KCNK12: variants seen among roughly 807,000 people sequenced by gnomAD.
KCNK12 encodes the protein potassium two pore domain channel subfamily K member 12.
KCNK12 carries 6 observed loss-of-function variants against 25.3 expected under a neutral mutation model. The observed-to-expected ratio is 0.24, with a 90% confidence interval of 0.13 to 0.47. The LOEUF is 0.47. KCNK12 is among the 20% of genes least tolerant of loss of function. The pLI is 0.99. For synonymous variants in KCNK12, 331 were observed against 311.1 expected, an observed-to-expected ratio of 1.06 and a Z score of -0.67; for missense variants, 444 against 661.7, an observed-to-expected ratio of 0.67 and a Z score of 3.61.
rs115569530 is a variant in KCNK12, at chr2:47,557,677, G to A, written c.391+12264C>T. ...CAAGGAGCTTTGTAAGGCAATTTCCGTATGTTAGGCATACAATCCAATCTC... is the reference window on the plus strand; with the variant it reads ...CAAGGAGCTTTGTAAGGCAATTTCCATATGTTAGGCATACAATCCAATCTC... On this transcript the variant is annotated intron_variant, in intron 1 of 1. Coordinates refer to ENST00000327876, the MANE Select transcript of KCNK12 (RefSeq NM_022055.2). This position sits in a 1 kb window ranked among gnomAD's most constrained non-coding sequence, Gnocchi z 4.9. Among the ~76,000 whole-genome samples the A allele has an allele frequency of 4.3e-3, 656 of 152,272 alleles. 9 individuals are homozygous for A. The highest frequency in any genetic ancestry group is 0.014 in the African/African-American group (584 of 41,552).
rs138297981 is a variant in KCNK12, at chr2:47,551,976, C to T, written c.391+17965G>A. ...CCTCCTCCTGAAGGGCCTGCATCAC[C>T]TCCTTCCTTCTTGTTTGGCCCTGGG... is the stretch of plus-strand genomic sequence containing the variant. On this transcript the variant is annotated intron_variant, in intron 1 of 1. Coordinates refer to ENST00000327876, the MANE Select transcript of KCNK12 (RefSeq NM_022055.2). The surrounding 1 kb of genome is among the most constrained non-coding windows in gnomAD (Gnocchi z 5.3). Among the ~76,000 whole-genome samples the T allele has an allele frequency of 0.01, 1,524 of 152,292 alleles. 13 individuals carry two copies. Among genetic ancestry groups the T allele is most frequent in the Middle Eastern group, 0.017 (5 of 294 alleles).
At chr2:47,564,775 T>C (rs1669758026) in intron 1 of KCNK12, 1 of 165,376 alleles carries the variant, frequency 6.0e-6, no homozygotes, top group South Asian at 2.0e-4. Flanking sequence ...TGGTAATACA[T>C]TTCCTGCTCT....
Position 47,565,285 on chromosome 2 carries a change from G to T in KCNK12, c.391+4656C>A, listed in dbSNP as rs1206553270. 6.6e-6 allele frequency: 1 copy of T among 152,208 alleles called. No homozygotes were observed. The highest frequency in any genetic ancestry group is 1.5e-5 in the Non-Finnish European group (1 of 68,042). The allele number at this position is 152,208 out of a possible 1,614,324, so 9.4% of individuals were successfully genotyped here. The stretch of plus-strand genomic sequence containing the variant: ...CAGCTGGATTACATACATGTTAGAA[G>T]AAAGTTGAATGTAAATGTGGTAGTG... On this transcript the variant is annotated intron_variant, in intron 1 of 1. Coordinates refer to ENST00000327876, the MANE Select transcript of KCNK12 (RefSeq NM_022055.2). The surrounding 1 kb of genome is among the most constrained non-coding windows in gnomAD (Gnocchi z 5.0).
chr2:47,556,791 A>G lies in KCNK12; in HGVS notation c.391+13150T>C, dbSNP rs776403176. Among the ~76,000 whole-genome samples, 1 of 152,212 alleles carries G rather than the reference A, an allele frequency of 6.6e-6. No individual in the cohort carries two copies. The highest frequency in any genetic ancestry group is 2.4e-5 in the African/African-American group (1 of 41,466). Reference sequence around the variant, plus strand: ...AAAGGACCTGTAGGTCTTACAGCCAAAGGATTATGATCTCACCCAAACAGG... The same window carrying G: ...AAAGGACCTGTAGGTCTTACAGCCAGAGGATTATGATCTCACCCAAACAGG... On this transcript the variant is annotated intron_variant, in intron 1 of 1. Coordinates refer to ENST00000327876, the MANE Select transcript of KCNK12 (RefSeq NM_022055.2). This position sits in a 1 kb window ranked among gnomAD's most constrained non-coding sequence, Gnocchi z 4.8.
Position 47,512,168 on chromosome 2 carries a change from A to G in KCNK12, c.*8739T>C. ...CCAGATGGCTGGTCCTGCTCCTCCC[A>G]GTCCATGGAGAAAAAAGAATTGAAC... On this transcript the variant is annotated 3_prime_UTR_variant, in exon 2 of 2. Transcript: ENST00000327876. The G allele has an allele frequency of 9.3e-7, 1 of 1,073,228 alleles. No homozygotes were observed. The highest frequency in any genetic ancestry group is 1.3e-6 in the Non-Finnish European group (1 of 761,862). 66.5% of individuals were successfully genotyped at this position (1,073,228 alleles called of 1,614,324 possible). A position where few individuals can be genotyped will look rare whatever the true frequency, so the allele number is the denominator to read the frequency against.
In KCNK12 at chr2:47,535,162, G is replaced by T. The variant is rs1669038276; in HGVS notation, c.392-13354C>A. 4 of 232,118 alleles carry T rather than the reference G, an allele frequency of 1.7e-5. No homozygotes were observed. The Admixed American group carries it at 2.3e-4, about 13-fold the overall frequency. The allele number at this position is 232,118 out of a possible 1,614,324, so 14.4% of individuals were successfully genotyped here. On this transcript the variant is annotated intron_variant, in intron 1 of 1. Transcript: ENST00000327876. ...TCTTCCCACAGAAGCCAGCCTGGTT[G>T]GCTGCTTCAAAGGAGGAATAAAGAT...
At chr2:47,553,472 T>C (rs1669483261) in intron 1 of KCNK12, among the ~76,000 whole-genome samples, 1 of 152,164 alleles carries the variant, frequency 6.6e-6, no homozygotes, top group Non-Finnish European at 1.5e-5. Flanking sequence ...GGTAAGCTCT[T>C]GATAAAGTGA....
intron 1 of KCNK12, among the ~76,000 whole-genome samples, chr2:47,545,637 T>G (rs1452529919): frequency 2.0e-5 from 3 of 152,240 alleles, no homozygotes; most frequent in Non-Finnish European, 4.4e-5. Flanking sequence ...GGCTCTTTGA[T>G]CTGAGAAAGC....
Position 47,518,625 on chromosome 2 carries a change from C to CG in KCNK12, c.*2281dup, listed in dbSNP as rs1203420416. 1 of 152,336 alleles carries CG rather than the reference C, an allele frequency of 6.6e-6. No individual in the cohort carries two copies. Among genetic ancestry groups the CG allele is most frequent in the Non-Finnish European group, 1.5e-5 (1 of 68,160 alleles). 9.4% of individuals were successfully genotyped at this position (152,336 alleles called of 1,614,324 possible). On this transcript the variant is annotated 3_prime_UTR_variant, in exon 2 of 2. Transcript: ENST00000327876. The surrounding 1 kb of genome is among the most constrained non-coding windows in gnomAD (Gnocchi z 4.1). ...ATTCTGTGTAGTCCTGCACGCTGGG[C>CG]GGGGGATTGCCTGGAGGTTTCTTTA...
In KCNK12 at chr2:47,510,175, G is replaced by A. The variant is rs1668366221; in HGVS notation, c.*10732C>T. ...TTCTTGCTACTAGTAACATGGATGTGAGCCTTGGAGGGGTAGCTACCATCT... is the reference window on the plus strand; with the variant it reads ...TTCTTGCTACTAGTAACATGGATGTAAGCCTTGGAGGGGTAGCTACCATCT... On this transcript the variant is annotated 3_prime_UTR_variant, in exon 2 of 2. Transcript: ENST00000327876. 1 of 152,130 alleles carries A rather than the reference G, an allele frequency of 6.6e-6. No individual in the cohort carries two copies. 9.4% of individuals were successfully genotyped at this position (152,130 alleles called of 1,614,324 possible).
In KCNK12 at chr2:47,521,684, C is replaced by T. The variant is rs753552997; in HGVS notation, c.516G>A (p.Leu172=). 1 of 1,603,438 alleles carries T rather than the reference C, an allele frequency of 6.2e-7. No individual in the cohort carries two copies. The highest frequency in any genetic ancestry group is 2.2e-5 in the East Asian group (1 of 44,630). The change falls in exon 2 of 2, where the codon CTG becomes CTA. Residue 172 remains leucine, a synonymous_variant. Coordinates refer to ENST00000327876, the MANE Select transcript of KCNK12 (RefSeq NM_022055.2). ...CCCGGCAGGCGCGCATGATGAAGGC[C>T]AGCAGCGAGATGATGCGCTCCAGGA... The part of the protein sequence containing the change: ...NLFLERIISL[L]AFIMRACRER...
Position 47,520,918 on chromosome 2 carries a change from C to G in KCNK12, c.1282G>C (p.Ala428Pro), listed in dbSNP as rs1668638134. The change falls in exon 2 of 2, where the codon GCC becomes CCC. Residue 428 changes from alanine to proline, a missense_variant. Physicochemically the swap from Ala to Pro is conservative, Grantham distance 27. Transcript: ENST00000327876. This position sits in a 1 kb window ranked among gnomAD's most constrained non-coding sequence, Gnocchi z 5.0. ...IMNNRLAETS[A>P]SR ...GGCGGACGGGCGGTCTACCTGGAGGCGCTGGTCTCGGCCAGCCGGTTGTTC... is the reference window on the plus strand; with the variant it reads ...GGCGGACGGGCGGTCTACCTGGAGGGGCTGGTCTCGGCCAGCCGGTTGTTC... 1 of 1,253,470 alleles carries G rather than the reference C, an allele frequency of 8.0e-7. No homozygotes were observed. The highest frequency in any genetic ancestry group is 4.1e-5 in the Admixed American group (1 of 24,476). 77.6% of individuals were successfully genotyped at this position (1,253,470 alleles called of 1,614,324 possible). A position where few individuals can be genotyped will look rare whatever the true frequency, so the allele number is the denominator to read the frequency against.
In KCNK12 at chr2:47,520,723, G is replaced by T; in HGVS notation, c.*184C>A. 2.5e-6 allele frequency: 1 copy of T among 407,870 alleles called. No individual in the cohort carries two copies. 25.3% of individuals were successfully genotyped at this position (407,870 alleles called of 1,614,324 possible). ...AAGAGGGGACTCACAAGGAACACAG[G>T]CGTCCCCAAAACCTGCCCTTGATAA... On this transcript the variant is annotated 3_prime_UTR_variant, in exon 2 of 2. Transcript: ENST00000327876. The surrounding 1 kb of genome is among the most constrained non-coding windows in gnomAD (Gnocchi z 5.0).
At chr2:47,564,461 G>T in intron 1 of KCNK12, 1 of 222,522 alleles carries the variant, frequency 4.5e-6, no homozygotes, top group Non-Finnish European at 9.0e-6. Context: ...AGCAATAGGG[G>T]TAGTGAATTA....
At position 47,557,644 on chromosome 2, in the gene KCNK12, A is replaced by G. The variant is rs942970666; in HGVS notation, c.391+12297T>C. The stretch of plus-strand genomic sequence containing the variant: ...TAATGCATACCTGCCCGGCTGAACA[A>G]TGCACATCAAGGAGCTTTGTAAGGC... On this transcript the variant is annotated intron_variant, in intron 1 of 1. Transcript: ENST00000327876. This position sits in a 1 kb window ranked among gnomAD's most constrained non-coding sequence, Gnocchi z 4.9. Among the ~76,000 whole-genome samples the G allele has an allele frequency of 9.9e-5, 15 of 152,156 alleles. No individual in the cohort carries two copies. The highest frequency in any genetic ancestry group is 2.2e-4 in the African/African-American group (9 of 41,418).
Position 47,569,996 on chromosome 2 carries a change from C to G in KCNK12, c.336G>C (p.Pro112=), listed in dbSNP as rs1297003826. ...AAGVRADALR[P]RWDFPGAFYF... Reference sequence around the variant, plus strand: ...AGAAGGCGCCGGGGAAGTCCCAGCGCGGGCGCAGCGCGTCGGCGCGGACGC... The same window carrying G: ...AGAAGGCGCCGGGGAAGTCCCAGCGGGGGCGCAGCGCGTCGGCGCGGACGC... The change falls in exon 1 of 2, where the codon CCG becomes CCC. Residue 112 remains proline, a synonymous_variant. Coordinates refer to ENST00000327876, the MANE Select transcript of KCNK12 (RefSeq NM_022055.2). The surrounding 1 kb of genome is among the most constrained non-coding windows in gnomAD (Gnocchi z 4.1). 7 of 1,430,298 alleles carry G rather than the reference C, an allele frequency of 4.9e-6. No individual in the cohort carries two copies. The African/African-American group carries it at 1.1e-4, about 22-fold the overall frequency. The allele number at this position is 1,430,298 out of a possible 1,614,324, so 88.6% of individuals were successfully genotyped here. A position where few individuals can be genotyped will look rare whatever the true frequency, so the allele number is the denominator to read the frequency against.
In KCNK12 at chr2:47,562,194, T is replaced by A; in HGVS notation, c.391+7747A>T. On this transcript the variant is annotated intron_variant, in intron 1 of 1. Coordinates refer to ENST00000327876, the MANE Select transcript of KCNK12 (RefSeq NM_022055.2). The surrounding 1 kb of genome is among the most constrained non-coding windows in gnomAD (Gnocchi z 4.8). The stretch of plus-strand genomic sequence containing the variant: ...AACAGAAACTACTTGGTAAGCAGAT[T>A]CCCAGGTGGTTCCAGGCACCTTACA... 2 of 398,620 alleles carry A rather than the reference T, an allele frequency of 5.0e-6. No homozygotes were observed. Among genetic ancestry groups the A allele is most frequent in the Non-Finnish European group, 8.8e-6 (2 of 226,082 alleles). The allele number at this position is 398,620 out of a possible 1,614,324, so 24.7% of individuals were successfully genotyped here.
At chr2:47,546,373 C>T (rs758964397) in intron 1 of KCNK12, among the ~76,000 whole-genome samples, 10 of 152,228 alleles carry the variant, frequency 6.6e-5, no homozygotes, top group Non-Finnish European at 1.0e-4. Context: ...TTAACGGATA[C>T]TGAAAGTACA....
At chr2:47,568,620 C>T (rs1669829242) in intron 1 of KCNK12, among the ~76,000 whole-genome samples, 2 of 152,200 alleles carry the variant, frequency 1.3e-5, no homozygotes. Flanking sequence ...CTCTCCCTGC[C>T]TCCAACCAGC....
Sources: allele counts gnomAD v4.1 joint callset (sites outside exome capture counted in the v4.1 genomes callset), GRCh38; gene constraint gnomAD v4.1.1; non-coding constraint Gnocchi (gnomAD v3.1); transcripts MANE v1.5; gene names NCBI Gene and HGNC (gene_info 2026-07-23, HGNC 2026-07-21).